The following ZFAT variants were observed in gnomAD, a reference collection of about 807,000 sequenced individuals.
ZFAT encodes zinc finger protein ZFAT.
In ZFAT, 64 loss-of-function variants were observed where a neutral mutation model predicts 117.7. The observed-to-expected ratio is 0.54, with a 90% CI of 0.44 to 0.67. ZFAT has a LOEUF of 0.67. ZFAT is among the 30% of genes least tolerant of loss of function. ZFAT has a pLI of 0.00. For missense variants in ZFAT, 1,433 were observed against 1,584.5 expected (o/e 0.90, Z 1.62); for synonymous variants, 679 against 615.0 (o/e 1.10, Z -1.54).
intron 11 of ZFAT, 38 bp downstream of exon 11, chr8:134,565,295 T>G (rs1824357098): frequency 1.2e-6 from 2 of 1,610,934 alleles, no homozygotes; most frequent in Non-Finnish European, 1.7e-6. Context: ...ACGCCTTTTT[T>G]GTCTGAACAT....
Position 134,588,193 on chromosome 8 carries a change from G to A in ZFAT, c.2713+53C>T. On this transcript the variant is annotated intron_variant, in intron 9 of 15. Transcript: ENST00000377838. ...CCTCTTAATGTACTCCCAAAATGAAGGATGGAAGCACAAAATTAGAAAGGT... is the reference window on the plus strand; with the variant it reads ...CCTCTTAATGTACTCCCAAAATGAAAGATGGAAGCACAAAATTAGAAAGGT... The A allele has an allele frequency of 2.7e-6, 4 of 1,505,612 alleles. No homozygotes were observed. In the South Asian group the frequency reaches 5.3e-5, roughly 20 times the overall value. The allele number at this position is 1,505,612 out of a possible 1,614,324, so 93.3% of individuals were successfully genotyped here.
chr8:134,816,540 G>A, the ZFAT span, among the ~76,000 whole-genome samples: 2 of 151,740 alleles, frequency 1.3e-5, no homozygotes, highest in Non-Finnish European at 2.9e-5. Context: ...TAAAAAATTC[G>A]TATTTTTAAA....
chr8:134,591,382 G>A, intron 7 of ZFAT, among the ~76,000 whole-genome samples: 1 of 152,230 alleles, frequency 6.6e-6, no homozygotes, highest in East Asian at 1.9e-4. Flanking sequence ...TTCACAGCCA[G>A]GGCCACCATG....
chr8:134,792,607 G>A, the ZFAT span: 6 of 152,150 alleles, frequency 3.9e-5, no homozygotes, highest in African/African-American at 1.4e-4. Flanking sequence ...AGTATTAACT[G>A]TAACTCCAAG....
At chr8:134,594,268 C>T (rs1826749197) in intron 7 of ZFAT, among the ~76,000 whole-genome samples, 1 of 152,140 alleles carries the variant, frequency 6.6e-6, no homozygotes, top group Non-Finnish European at 1.5e-5. Flanking sequence ...TCTTATAGCT[C>T]TTGGGAAGGG....
chr8:134,533,923 T>C (rs1268039724), intron 11 of ZFAT, among the ~76,000 whole-genome samples: 1 of 152,208 alleles, frequency 6.6e-6, no homozygotes, highest in African/African-American at 2.4e-5. Context: ...CATGCCCCTG[T>C]AATCCACATG....
intron 11 of ZFAT, among the ~76,000 whole-genome samples, chr8:134,553,939 A>G (rs1823378726): frequency 6.6e-6 from 1 of 152,228 alleles, no homozygotes; most frequent in Non-Finnish European, 1.5e-5. Context: ...GCTGTAGGAT[A>G]CAGGCCTTCC....
intron 10 of ZFAT, among the ~76,000 whole-genome samples, chr8:134,576,724 C>T (rs1307875156): frequency 6.6e-6 from 1 of 152,134 alleles, no homozygotes; most frequent in African/African-American, 2.4e-5. Flanking sequence ...TTTTAATTTG[C>T]AGCCATGAGA....
the ZFAT span, among the ~76,000 whole-genome samples, chr8:134,741,771 T>G: frequency 6.6e-6 from 1 of 151,830 alleles, no homozygotes; most frequent in Non-Finnish European, 1.5e-5. Context: ...CACACCCAAA[T>G]CTCACTCAGC....
chr8:134,587,149 C>T (rs987359714), intron 9 of ZFAT, among the ~76,000 whole-genome samples: 1 of 152,186 alleles, frequency 6.6e-6, no homozygotes, highest in South Asian at 2.1e-4. Flanking sequence ...ACTCTCCTCT[C>T]CACACCTGGG....
chr8:134,658,153 T>C (rs546608075), intron 1 of ZFAT, among the ~76,000 whole-genome samples: 35 of 152,168 alleles, frequency 2.3e-4, no homozygotes, highest in Non-Finnish European at 4.3e-4. Context: ...CTGGCTAACA[T>C]GGTGAAATCT....
At chr8:134,531,923 A>G (rs923131790) in intron 12 of ZFAT, among the ~76,000 whole-genome samples, 1 of 152,208 alleles carries the variant, frequency 6.6e-6, no homozygotes, top group African/African-American at 2.4e-5. Context: ...GCAGTCTACA[A>G]TTCCACATCT....
the ZFAT span, among the ~76,000 whole-genome samples, chr8:134,720,330 A>G: frequency 6.6e-6 from 1 of 152,234 alleles, no homozygotes; most frequent in African/African-American, 2.4e-5. Context: ...GCAGCAAAAG[A>G]TAACTTAGTA....
the ZFAT span, among the ~76,000 whole-genome samples, chr8:134,741,311 C>T: frequency 6.6e-6 from 1 of 152,132 alleles, no homozygotes; most frequent in Non-Finnish European, 1.5e-5. Flanking sequence ...TGCTCCAGTA[C>T]TTCTCTGAAA....
rs117351515 is a variant in ZFAT, at chr8:134,659,665, A to G, written c.20-1928T>C. On this transcript the variant is annotated intron_variant, in intron 1 of 15. Coordinates refer to ENST00000377838, the MANE Select transcript of ZFAT (RefSeq NM_020863.4). The stretch of plus-strand genomic sequence containing the variant: ...TAGATCTTTCCATTGGCCTATAAGC[A>G]TACTCTTATTCTCCCATCTTAAAAT... Among the ~76,000 whole-genome samples the G allele has an allele frequency of 1.5e-3, 223 of 152,264 alleles. 1 individual carries two copies. Among genetic ancestry groups the G allele is most frequent in the Non-Finnish European group, 2.9e-3 (197 of 68,014 alleles).
At chr8:134,793,546 G>A in the ZFAT span, 1 of 152,154 alleles carries the variant, frequency 6.6e-6, no homozygotes, top group Admixed American at 6.6e-5. Context: ...TTCTTGTAAG[G>A]AGCACGAAAC....
At chr8:134,496,813 C>T (rs1818475296) in intron 15 of ZFAT, among the ~76,000 whole-genome samples, 1 of 152,186 alleles carries the variant, frequency 6.6e-6, no homozygotes, top group African/African-American at 2.4e-5. Context: ...CCCCGTGGCC[C>T]CATCTTCACC....
intron 1 of ZFAT, among the ~76,000 whole-genome samples, chr8:134,672,496 T>C (rs1232095280): frequency 1.3e-5 from 2 of 152,172 alleles, no homozygotes; most frequent in African/African-American, 4.8e-5. Flanking sequence ...ACATGGCACA[T>C]GTATACATAT....
chr8:134,777,255 G>A, the ZFAT span, among the ~76,000 whole-genome samples: 2 of 152,186 alleles, frequency 1.3e-5, no homozygotes, highest in Non-Finnish European at 2.9e-5. Flanking sequence ...GATTAGTGAA[G>A]AGGGAACAGG....
Sources: allele counts gnomAD v4.1 joint callset (sites outside exome capture counted in the v4.1 genomes callset), GRCh38; gene constraint gnomAD v4.1.1; transcripts MANE v1.5; gene names NCBI Gene and HGNC (gene_info 2026-07-23, HGNC 2026-07-21).